Variants in DPYD observed in about 807,000 individuals in gnomAD.
The protein encoded by DPYD is dihydropyrimidine dehydrogenase [NADP(+)].
Under a neutral mutation model 116.2 loss-of-function variants are expected in DPYD, and 109 were observed. That is an observed-to-expected ratio of 0.94 (90% confidence interval 0.80 to 1.10). The LOEUF (loss-of-function observed/expected upper bound fraction) is 1.10. Among genes scored for constraint, DPYD ranks in the 50% least tolerant of loss-of-function variants. The probability of loss-of-function intolerance (pLI) is 0.00; values close to 1 mark genes in which losing one functional copy is unlikely to be tolerated. For missense variants in DPYD, 1,302 were observed against 1,254.5 expected (o/e 1.04, Z -0.57); for synonymous variants, 440 against 432.0 (o/e 1.02, Z -0.23).
chr1:97,114,537 G>T (rs1651830330), intron 20 of DPYD, among the ~76,000 whole-genome samples: 1 of 152,124 alleles, frequency 6.6e-6, no homozygotes, highest in South Asian at 2.1e-4. Context: ...TTGAAAGGTT[G>T]ACAGACTTAG....
At chr1:97,805,012 A>G (rs1668015868) in intron 3 of DPYD, among the ~76,000 whole-genome samples, 1 of 151,934 alleles carries the variant, frequency 6.6e-6, no homozygotes, top group South Asian at 2.1e-4. Flanking sequence ...CTACATTTTG[A>G]TTCGTTTAAA....
chr1:97,265,257 C>A (rs1277067378), intron 18 of DPYD, among the ~76,000 whole-genome samples: 2 of 152,110 alleles, frequency 1.3e-5, no homozygotes, highest in African/African-American at 4.8e-5. Context: ...CAAGTCTTAG[C>A]CCAAATGTCA....
chr1:97,751,458 G>GTA (rs1345170970), intron 3 of DPYD, among the ~76,000 whole-genome samples: 1,389 of 21,674 alleles, frequency 0.064, 15 homozygotes, highest in Non-Finnish European at 0.09. Flanking sequence ...GTGTGTGTGT[G>GTA]TGTATATATA....
intron 9 of DPYD, 72 bp downstream of exon 9, chr1:97,594,963 AGCTGAACAATGTGCTGCTGAGCTT>A (rs1346149109): frequency 1.1e-6 from 1 of 933,158 alleles, no homozygotes; most frequent in Non-Finnish European, 1.6e-6. Context: ...TGGGTGTGAG[AGCTGAACAATGTGCTGCTGAGCTT>A]GATTTTGATA....
At chr1:97,181,803 A>G (rs2101800250) in intron 20 of DPYD, among the ~76,000 whole-genome samples, 1 of 152,270 alleles carries the variant, frequency 6.6e-6, no homozygotes, top group South Asian at 2.1e-4. Context: ...ATGCCTCTCC[A>G]TGTTACGAAT....
intron 20 of DPYD, among the ~76,000 whole-genome samples, chr1:97,149,125 T>A (rs187389600): frequency 2.6e-5 from 4 of 152,242 alleles, no homozygotes; most frequent in Non-Finnish European, 2.9e-5. Context: ...GGATGTAATA[T>A]GTGTTGATTA....
intron 18 of DPYD, chr1:97,295,768 G>A (rs1666491000): frequency 1.0e-5 from 10 of 984,018 alleles, no homozygotes; most frequent in Non-Finnish European, 1.2e-5. Context: ...TACTGTAAGA[G>A]ACATAGTTAA....
In DPYD at chr1:97,306,208, A is replaced by C; in HGVS notation, c.2148T>G (p.Asp716Glu). Residue 716 changes from aspartate (D) to glutamate (E), a missense_variant, in exon 17 of 23, where the codon GAT becomes GAG. By Grantham distance (45) the Asp-to-Glu change is conservative. Transcript: ENST00000370192. ...FFAKLTPNVT[D>E]IVSIARAAKE... is the part of the protein sequence containing the mutation. Reference sequence around the variant, plus strand: ...TTGCAGCTCTTGCGATGCTCACAATATCAGTGACATTTGGGGTCAGCTTGG... The same window carrying C: ...TTGCAGCTCTTGCGATGCTCACAATCTCAGTGACATTTGGGGTCAGCTTGG... 1 of 1,612,604 alleles carries C rather than the reference A, an allele frequency of 6.2e-7. No homozygotes were observed. Among genetic ancestry groups the C allele is most frequent in the Non-Finnish European group, 8.5e-7 (1 of 1,178,940 alleles).
At chr1:97,084,572 T>C (rs1439875834) in intron 21 of DPYD, among the ~76,000 whole-genome samples, 1 of 152,142 alleles carries the variant, frequency 6.6e-6, no homozygotes, top group African/African-American at 2.4e-5. Context: ...GTTCTTAATA[T>C]ATTTCAGGCC....
At chr1:97,794,461 T>A (rs1404396733) in intron 3 of DPYD, among the ~76,000 whole-genome samples, 6 of 152,208 alleles carry the variant, frequency 3.9e-5, no homozygotes, top group Non-Finnish European at 8.8e-5. Flanking sequence ...ATATTCAGCA[T>A]CATTCACCAT....
Position 97,594,744 on chromosome 1 carries a change from T to C in DPYD, c.958+315A>G, listed in dbSNP as rs1259180858. 9.9e-5 allele frequency among the ~76,000 whole-genome samples: 15 copies of C among 152,150 alleles called. 1 individual carries two copies. On this transcript the variant is annotated intron_variant, in intron 9 of 22. Coordinates refer to ENST00000370192, the MANE Select transcript of DPYD (RefSeq NM_000110.4). ...ATCATATAAGATATGTGACGATTCA[T>C]GCCATTTCTTTGAAAAACATCTTCC... is the stretch of plus-strand genomic sequence containing the variant.
At chr1:97,789,193 A>G (rs1667193495) in intron 3 of DPYD, among the ~76,000 whole-genome samples, 1 of 152,222 alleles carries the variant, frequency 6.6e-6, no homozygotes, top group East Asian at 1.9e-4. Flanking sequence ...GTGACCCAGA[A>G]TCTGGCTAAT....
intron 20 of DPYD, among the ~76,000 whole-genome samples, chr1:97,163,836 G>A (rs1243851034): frequency 6.6e-6 from 1 of 152,128 alleles, no homozygotes; most frequent in Non-Finnish European, 1.5e-5. Flanking sequence ...GTTTTACAGG[G>A]GATGTGGTCA....
At position 97,082,435 on chromosome 1, in the gene DPYD, T is replaced by G. The variant is rs377152743; in HGVS notation, c.2802A>C (p.Thr934=). The change falls in exon 22 of 23, where the codon ACA becomes ACC. Residue 934 remains threonine, a synonymous_variant. Coordinates refer to ENST00000370192, the MANE Select transcript of DPYD (RefSeq NM_000110.4). ...VIGKALQYLG[T]FGELSNVEQV... ...GCTCTACGTTGCTCAATTCACCAAA[T>G]GTTCCAAGGTACTGCAGTGCTTTTC... 1.9e-6 allele frequency: 3 copies of G among 1,613,664 alleles called. No individual in the cohort carries two copies. The highest frequency in any genetic ancestry group is 2.5e-6 in the Non-Finnish European group (3 of 1,179,652).
chr1:97,249,787 A>G (rs1358596802), intron 18 of DPYD, among the ~76,000 whole-genome samples: 1 of 152,202 alleles, frequency 6.6e-6, no homozygotes, highest in African/African-American at 2.4e-5. Context: ...AATACTTTTT[A>G]AAAAGACATA....
intron 5 of DPYD, among the ~76,000 whole-genome samples, chr1:97,708,945 T>G (rs1222824923): frequency 6.6e-6 from 1 of 151,992 alleles, no homozygotes; most frequent in African/African-American, 2.4e-5. Context: ...TTATTGCTAT[T>G]GTAAAGGAAA....
intron 20 of DPYD, among the ~76,000 whole-genome samples, chr1:97,130,921 CTT>C: frequency 7.2e-6 from 1 of 138,104 alleles, no homozygotes. Flanking sequence ...CTCCCTCCCT[CTT>C]TCTCTCTCTC....
At chr1:97,810,443 G>A (rs1668300372) in intron 3 of DPYD, among the ~76,000 whole-genome samples, 1 of 152,016 alleles carries the variant, frequency 6.6e-6, no homozygotes, top group Non-Finnish European at 1.5e-5. Flanking sequence ...ATTAAAGGGA[G>A]TGAATATTTA....
chr1:97,255,836 A>G (rs495257), intron 18 of DPYD, among the ~76,000 whole-genome samples: 61,098 of 151,470 alleles, frequency 0.4, 12,506 homozygotes, highest in Middle Eastern at 0.46. Context: ...CCTTATCCCT[A>G]TGCTAGGTTG....
Sources: gnomAD v4.1 joint callset for allele counts (sites outside exome capture counted in the v4.1 genomes callset) on GRCh38, gnomAD v4.1.1 for gene constraint, MANE v1.5 for transcripts, NCBI Gene and HGNC (gene_info 2026-07-23, HGNC 2026-07-21) for gene names.